Variants in GRID1 observed in about 807,000 individuals in gnomAD.
GRID1 encodes glutamate ionotropic receptor delta type subunit 1.
Under a neutral mutation model 98.0 loss-of-function variants are expected in GRID1, and 28 were observed. That is an observed-to-expected ratio of 0.29 (90% CI 0.21 to 0.39). GRID1 has a LOEUF of 0.39. Among genes scored for constraint, GRID1 ranks in the 10% least tolerant of loss-of-function variants. The pLI is 1.00. For missense variants in GRID1, 1,111 were observed against 1,340.5 expected, an observed-to-expected ratio of 0.83 and a Z score of 2.67; for synonymous variants, 553 against 538.5, an observed-to-expected ratio of 1.03 and a Z score of -0.37.
intron 12 of GRID1, among the ~76,000 whole-genome samples, chr10:85,675,572 A>C (rs1035271099): frequency 6.6e-6 from 1 of 152,224 alleles, no homozygotes; most frequent in African/African-American, 2.4e-5. Flanking sequence ...ATGACAAAGC[A>C]AGCTACTTAA....
chr10:85,755,088 C>A (rs952470911), intron 8 of GRID1, among the ~76,000 whole-genome samples: 3 of 152,148 alleles, frequency 2.0e-5, no homozygotes, highest in African/African-American at 4.8e-5. Flanking sequence ...TAGTTCCCCC[C>A]ACTATTCCTT....
chr10:86,052,208 A>G (rs1843511842), intron 4 of GRID1, among the ~76,000 whole-genome samples: 1 of 152,240 alleles, frequency 6.6e-6, no homozygotes, highest in Admixed American at 6.5e-5. Context: ...GCATACCTGT[A>G]TTTGCATACA....
At chr10:86,326,824 A>C (rs1848057410) in intron 2 of GRID1, among the ~76,000 whole-genome samples, 1 of 152,224 alleles carries the variant, frequency 6.6e-6, no homozygotes, top group Non-Finnish European at 1.5e-5. Context: ...GCCCTAAAAC[A>C]AGAACACATT....
intron 8 of GRID1, among the ~76,000 whole-genome samples, chr10:85,802,039 C>A (rs548579303): frequency 1.3e-5 from 2 of 152,002 alleles, no homozygotes; most frequent in Non-Finnish European, 2.9e-5. Flanking sequence ...ATAAATCTAA[C>A]AAAAATGTGC....
chr10:86,095,789 T>G (rs1844213604), intron 4 of GRID1, among the ~76,000 whole-genome samples: 1 of 152,232 alleles, frequency 6.6e-6, no homozygotes, highest in Non-Finnish European at 1.5e-5. Context: ...ACAGCCACTA[T>G]GGAAAACAGT....
chr10:86,112,216 C>A (rs1348756152), intron 4 of GRID1, among the ~76,000 whole-genome samples: 1 of 152,182 alleles, frequency 6.6e-6, no homozygotes, highest in Non-Finnish European at 1.5e-5. Flanking sequence ...CAGCCAGGAG[C>A]AGGCAGGCTT....
intron 4 of GRID1, among the ~76,000 whole-genome samples, chr10:86,054,074 G>T (rs1365038655): frequency 6.6e-6 from 1 of 152,230 alleles, no homozygotes; most frequent in African/African-American, 2.4e-5. Context: ...GCCTAGTCCA[G>T]GCTCCAAAAA....
In GRID1 at chr10:85,723,027, A is replaced by G; in HGVS notation, c.1973T>C (p.Val658Ala). 1 of 1,612,258 alleles carries G rather than the reference A, an allele frequency of 6.2e-7. No homozygotes were observed. The highest frequency in any genetic ancestry group is 8.5e-7 in the Non-Finnish European group (1 of 1,179,162). ...CCTTATGGGGTTGTCCATCCTGGAC[A>G]CTGTGAGGAAGGCAGCAAGGTTGGC... Reference protein sequence around the residue: ...YTANLAAFLTVSRMDNPIRTF... With the variant: ...YTANLAAFLTASRMDNPIRTF... Residue 658 changes from valine to alanine, a missense_variant, in exon 12 of 16, where the codon GTG becomes GCG. Val to Ala is a moderately conservative substitution (Grantham distance 64). Transcript: ENST00000327946.
At chr10:86,078,730 C>T (rs1268313608) in intron 4 of GRID1, among the ~76,000 whole-genome samples, 2 of 152,206 alleles carry the variant, frequency 1.3e-5, no homozygotes, top group East Asian at 1.9e-4. Flanking sequence ...CATGAGGGCT[C>T]GGGAGAGGCA....
intron 4 of GRID1, among the ~76,000 whole-genome samples, chr10:85,924,068 C>G (rs560038741): frequency 5.9e-5 from 9 of 152,324 alleles, no homozygotes; most frequent in African/African-American, 2.2e-4. Flanking sequence ...TTGTGGGACA[C>G]AGCACCTGGC....
intron 4 of GRID1, among the ~76,000 whole-genome samples, chr10:86,039,766 G>C (rs954829452): frequency 1.3e-5 from 2 of 152,180 alleles, no homozygotes; most frequent in Admixed American, 6.5e-5. Context: ...TCCATTTTTG[G>C]TCTCAGCTCC....
chr10:86,144,030 A>G (rs1452712699), intron 3 of GRID1, among the ~76,000 whole-genome samples: 2 of 152,166 alleles, frequency 1.3e-5, no homozygotes, highest in African/African-American at 4.8e-5. Context: ...TTCTTCCCCT[A>G]GTACTCACTG....
At chr10:86,231,079 G>C (rs918147665) in intron 2 of GRID1, among the ~76,000 whole-genome samples, 1 of 152,214 alleles carries the variant, frequency 6.6e-6, no homozygotes, top group African/African-American at 2.4e-5. Context: ...CCAAACATCT[G>C]TGGTGGTGGC....
chr10:86,308,363 A>G (rs1896527), intron 2 of GRID1, among the ~76,000 whole-genome samples: 78,539 of 152,140 alleles, frequency 0.52, 24,140 homozygotes, highest in Non-Finnish European at 0.68. Context: ...CACTTCCAGA[A>G]TCTGTGGATA....
chr10:85,706,782 G>C (rs1163069281), intron 12 of GRID1, among the ~76,000 whole-genome samples: 3 of 152,110 alleles, frequency 2.0e-5, no homozygotes, highest in Non-Finnish European at 4.4e-5. Flanking sequence ...CAATGGAACA[G>C]AACAGAGCCC....
rs140571391 is a variant in GRID1, at chr10:86,263,838, C to T, written c.236-57190G>A. Among the ~76,000 whole-genome samples, 73 of 152,338 alleles carry T rather than the reference C, an allele frequency of 4.8e-4. 1 individual carries two copies. Among genetic ancestry groups the T allele is most frequent in the African/African-American group, 1.7e-3 (69 of 41,574 alleles). On this transcript the variant is annotated intron_variant, in intron 2 of 15. Transcript: ENST00000327946. ...TGGGCTAGACCACTGGGTTTCCCCA[C>T]CTCAACCCACTTCACTAAGTTAAGA...
At chr10:85,912,902 G>T (rs1367610733) in intron 5 of GRID1, among the ~76,000 whole-genome samples, 1 of 152,214 alleles carries the variant, frequency 6.6e-6, no homozygotes, top group African/African-American at 2.4e-5. Flanking sequence ...TACTTGGATA[G>T]CTTAAAAACT....
chr10:85,907,074 T>C (rs1370027873), intron 5 of GRID1, among the ~76,000 whole-genome samples: 1 of 152,158 alleles, frequency 6.6e-6, no homozygotes, highest in East Asian at 1.9e-4. Context: ...AGGATGCTAG[T>C]GGGATATTAT....
chr10:86,295,946 A>G (rs567295486), intron 2 of GRID1, among the ~76,000 whole-genome samples: 1 of 152,238 alleles, frequency 6.6e-6, no homozygotes, highest in East Asian at 1.9e-4. Context: ...CATCCCCCCT[A>G]CAGACAGTGT....
Sources: allele counts gnomAD v4.1 joint callset (sites outside exome capture counted in the v4.1 genomes callset), GRCh38; gene constraint gnomAD v4.1.1; transcripts MANE v1.5; gene names NCBI Gene and HGNC (gene_info 2026-07-23, HGNC 2026-07-21).